The following TRIM9 variants were observed in gnomAD, a reference collection of about 807,000 sequenced individuals.
The protein encoded by TRIM9 is tripartite motif containing 9, also known as E3 ubiquitin-protein ligase TRIM9.
Under a neutral mutation model 78.3 loss-of-function variants are expected in TRIM9, and 26 were observed. The ratio of observed to expected loss-of-function variants is 0.33; its 90% CI spans 0.24 to 0.46. The LOEUF is 0.46. Among genes scored for constraint, TRIM9 ranks in the 20% least tolerant of loss-of-function variants. TRIM9 has a pLI of 1.00. For missense variants in TRIM9, 787 were observed against 1,036.4 expected (o/e 0.76, Z 3.30); for synonymous variants, 398 against 416.5 (o/e 0.96, Z 0.54).
Position 51,094,228 on chromosome 14 carries a change from T to A in TRIM9, c.712A>T (p.Ser238Cys). The change falls in exon 1 of 13, where the codon AGC (serine) becomes TGC (cysteine). Residue 238 changes from serine (S) to cysteine (C), a missense_variant. Ser to Cys is a moderately radical substitution (Grantham distance 112). Around this residue, in one of 3 missense-constraint regions of TRIM9, gnomAD observed 352 missense variants for 472.3 expected, o/e 0.75. Transcript: ENST00000684578. ...ATCTTGCATTGCACGCAGTACATGC[T>A]GTGGTTCTCCAGCTCGTGGTCTGTG... ...TCTDHELENH[S>C]MYCVQCKMPV... The A allele has an allele frequency of 1.9e-6, 3 of 1,614,234 alleles. No individual in the cohort carries two copies. The highest frequency in any genetic ancestry group is 2.5e-6 in the Non-Finnish European group (3 of 1,180,032).
Position 50,978,936 on chromosome 14 carries a change from C to A in TRIM9, c.2325+451G>T. 8.5e-6 allele frequency: 9 copies of A among 1,054,046 alleles called. 1 individual carries two copies. In the South Asian group the frequency reaches 3.4e-4, roughly 40 times the overall value. The allele number at this position is 1,054,046 out of a possible 1,614,324, so 65.3% of individuals were successfully genotyped here. ...GACTATGTTTTCTACCCCTTAGGAC[C>A]TAACAGAGCCAAACAAGAGTGCAGA... On this transcript the variant is annotated intron_variant, in intron 12 of 12. Transcript: ENST00000684578.
At position 50,998,075 on chromosome 14, in the gene TRIM9, C is replaced by A. The variant is rs1350858586; in HGVS notation, c.1578G>T (p.Lys526Asn). The A allele has an allele frequency of 1.9e-6, 3 of 1,614,224 alleles. No homozygotes were observed. Among genetic ancestry groups the A allele is most frequent in the Non-Finnish European group, 2.5e-6 (3 of 1,180,036 alleles). Residue 526 changes from lysine to asparagine, a missense_variant, in exon 7 of 13, where the codon AAG (lysine) becomes AAT (asparagine). Lys to Asn is a moderately conservative substitution (Grantham distance 94, BLOSUM62 0). Transcript: ENST00000684578. ...FNKTGVSPYS[K>N]TLVLQTSEDT... ...CCTCAGACGTTTGGAGGACCAGGGT[C>A]TTGCTGTACGGGCTGACTCCTGTTT... is the stretch of plus-strand genomic sequence containing the variant.
At chr14:50,979,711 A>G (rs556637542) in intron 11 of TRIM9, among the ~76,000 whole-genome samples, 162 bp from the exon 12 acceptor site, 1 of 152,284 alleles carries the variant, frequency 6.6e-6, no homozygotes, top group Non-Finnish European at 1.5e-5. Flanking sequence ...AATACCGCAG[A>G]TATACTGTAT....
intron 1 of TRIM9, among the ~76,000 whole-genome samples, chr14:51,076,032 C>T (rs1269374994): frequency 6.6e-6 from 1 of 152,152 alleles, no homozygotes; most frequent in Non-Finnish European, 1.5e-5. Context: ...GCTGAATGAC[C>T]TTTGAATAAT....
At chr14:50,992,008 A>AGT (rs1350688084) in intron 7 of TRIM9, among the ~76,000 whole-genome samples, 1 of 152,228 alleles carries the variant, frequency 6.6e-6, no homozygotes, top group Non-Finnish European at 1.5e-5. Context: ...AGTGGGGACC[A>AGT]AGGTTTGTGT....
At chr14:51,046,007 G>C (rs1041330259) in intron 1 of TRIM9, among the ~76,000 whole-genome samples, 1 of 152,086 alleles carries the variant, frequency 6.6e-6, no homozygotes. Context: ...ACACATTGAC[G>C]TAATGTATAA....
intron 1 of TRIM9, among the ~76,000 whole-genome samples, chr14:51,060,063 A>G (rs2140147476): frequency 6.6e-6 from 1 of 152,374 alleles, no homozygotes; most frequent in Middle Eastern, 3.4e-3. Context: ...ACTGGGAGTC[A>G]CAGATAAATC....
intron 3 of TRIM9, among the ~76,000 whole-genome samples, chr14:51,017,741 G>T (rs1303728030): frequency 6.6e-6 from 1 of 152,192 alleles, no homozygotes; most frequent in Non-Finnish European, 1.5e-5. Flanking sequence ...CCCATATCTG[G>T]GTTGAAGCAA....
At chr14:51,085,761 T>G (rs1230822627) in intron 1 of TRIM9, among the ~76,000 whole-genome samples, 2 of 152,258 alleles carry the variant, frequency 1.3e-5, no homozygotes, top group African/African-American at 4.8e-5. Flanking sequence ...CTGTAATTAT[T>G]AAAATCTACT....
chr14:51,068,373 T>C (rs949155052), intron 1 of TRIM9, among the ~76,000 whole-genome samples: 2 of 152,014 alleles, frequency 1.3e-5, no homozygotes, highest in African/African-American at 2.4e-5. Context: ...CCCAAATCAA[T>C]ATATGTGAAG....
intron 2 of TRIM9, 133 bp from the exon 3 acceptor site, chr14:51,023,090 A>G (rs897465236): frequency 8.2e-7 from 1 of 1,214,684 alleles, no homozygotes; most frequent in Non-Finnish European, 1.1e-6. Flanking sequence ...GTAATTTTAA[A>G]AAAATAACTG....
At chr14:51,053,580 C>CTTTTTTTTTTTTTATTTTT in intron 1 of TRIM9, among the ~76,000 whole-genome samples, 1 of 74,812 alleles carries the variant, frequency 1.3e-5, no homozygotes, top group African/African-American at 4.7e-5. Flanking sequence ...TTTTAATTTT[C>CTTTTTTTTTTTTTATTTTT]TTTTTTTTTT....
intron 1 of TRIM9, among the ~76,000 whole-genome samples, chr14:51,085,063 C>T (rs1199815734): frequency 6.6e-6 from 1 of 152,208 alleles, no homozygotes; most frequent in African/African-American, 2.4e-5. Context: ...GACTGATAGA[C>T]AGCGCAGGCC....
intron 8 of TRIM9, among the ~76,000 whole-genome samples, chr14:50,983,995 G>T (rs888494189): frequency 3.3e-5 from 5 of 152,206 alleles, no homozygotes; most frequent in Non-Finnish European, 7.3e-5. Context: ...CTTCTCACCT[G>T]AGGGAGGGGA....
chr14:50,997,914 G>C (rs999255169), intron 7 of TRIM9, 136 bp downstream of exon 7: 10 of 1,486,588 alleles, frequency 6.7e-6, no homozygotes, highest in Non-Finnish European at 8.1e-6. Context: ...GAGGAACAGC[G>C]GCTCTGTGCA....
At chr14:50,987,359 G>A (rs1320727685) in intron 7 of TRIM9, among the ~76,000 whole-genome samples, 1 of 152,202 alleles carries the variant, frequency 6.6e-6, no homozygotes, top group African/African-American at 2.4e-5. Context: ...CTCTGAACAA[G>A]GGCATTGGCA....
At chr14:51,077,386 GTTTT>G (rs146912763) in intron 1 of TRIM9, among the ~76,000 whole-genome samples, 90 of 97,728 alleles carry the variant, frequency 9.2e-4, no homozygotes, top group African/African-American at 3.4e-3. Flanking sequence ...CTCCAATTCT[GTTTT>G]TTTTTTTTTT....
chr14:51,053,426 C>T lies in TRIM9; in HGVS notation c.823-28066G>A, dbSNP rs4616215. 8.1e-3 allele frequency among the ~76,000 whole-genome samples: 1,221 copies of T among 150,756 alleles called. 30 individuals carry two copies. Among genetic ancestry groups the T allele is most frequent in the African/African-American group, 0.028 (1,147 of 41,114 alleles). ...AATGCAGAAAAGTTCATTCAGTACT[C>T]AGTTTGTATCAGTTTGTAGTTCACA... On this transcript the variant is annotated intron_variant, in intron 1 of 12. Transcript: ENST00000684578.
At chr14:51,046,807 G>C (rs1020960502) in intron 1 of TRIM9, among the ~76,000 whole-genome samples, 3 of 152,154 alleles carry the variant, frequency 2.0e-5, no homozygotes, top group African/African-American at 7.2e-5. Flanking sequence ...ATAACAACAG[G>C]ATCCACATCA....
Sources: allele counts gnomAD v4.1 joint callset (sites outside exome capture counted in the v4.1 genomes callset), GRCh38; gene constraint gnomAD v4.1.1; regional missense constraint gnomAD v4.1.1; transcripts MANE v1.5; gene names NCBI Gene and HGNC (gene_info 2026-07-23, HGNC 2026-07-21).